Variants in PXDNL observed in about 807,000 individuals in gnomAD.
PXDNL encodes the protein peroxidasin like, also known as probable oxidoreductase PXDNL.
Under a neutral mutation model 150.8 loss-of-function variants are expected in PXDNL, and 145 were observed. That is an observed-to-expected ratio of 0.96 (90% CI 0.84 to 1.10). PXDNL has a LOEUF of 1.10. Ranked by LOEUF, PXDNL falls within the 50% of genes least tolerant of loss-of-function variation. PXDNL has a pLI of 0.00. For missense variants in PXDNL, 2,087 were observed against 1,873.9 expected (o/e 1.11, Z -2.10); for synonymous variants, 757 against 725.7 (o/e 1.04, Z -0.69).
At chr8:51,389,711 A>G (rs942228708) in intron 17 of PXDNL, among the ~76,000 whole-genome samples, 1 of 152,168 alleles carries the variant, frequency 6.6e-6, no homozygotes, top group African/African-American at 2.4e-5. Context: ...GAGCTTCTTT[A>G]TGTTTAAAGC....
chr8:51,396,629 T>C (rs1435553947), intron 17 of PXDNL, among the ~76,000 whole-genome samples: 2 of 152,138 alleles, frequency 1.3e-5, no homozygotes, highest in Non-Finnish European at 2.9e-5. Context: ...TAGTGGTGCA[T>C]GCCTGTAATC....
At chr8:51,469,253 A>T (rs947064384) in intron 8 of PXDNL, among the ~76,000 whole-genome samples, 2 of 152,082 alleles carry the variant, frequency 1.3e-5, no homozygotes, top group African/African-American at 4.8e-5. Flanking sequence ...ATTACTTGGG[A>T]ATGAAAGATT....
chr8:51,435,886 T>C (rs540712327), intron 12 of PXDNL: 45 of 468,784 alleles, frequency 9.6e-5, no homozygotes, highest in Non-Finnish European at 1.7e-4. Flanking sequence ...GATACTAAAA[T>C]GGATCGTAAG....
chr8:51,583,924 AGACGTATAG>A lies in PXDNL; in HGVS notation c.308+8694_308+8702del, dbSNP rs1438412258. Among the ~76,000 whole-genome samples, 3 of 152,236 alleles carry A rather than the reference AGACGTATAG, an allele frequency of 2.0e-5. No homozygotes were observed. In the East Asian group the frequency reaches 5.8e-4, roughly 29 times the overall value. On this transcript the variant is annotated intron_variant, in intron 3 of 22. Transcript: ENST00000356297. ...AGTTGCCAGTACAGAGAGAAAAGAT[AGACGTATAG>A]GAAGGCTGGATGAGTCGCCCAAAGA...
intron 3 of PXDNL, among the ~76,000 whole-genome samples, chr8:51,569,057 C>T (rs1169533670): frequency 1.3e-5 from 2 of 151,878 alleles, no homozygotes. Context: ...GTTTGAAATT[C>T]CTGAGTGAGC....
At chr8:51,488,256 A>C (rs1810812452) in intron 5 of PXDNL, among the ~76,000 whole-genome samples, 2 of 152,194 alleles carry the variant, frequency 1.3e-5, no homozygotes, top group Admixed American at 1.3e-4. Flanking sequence ...ATACATGAGA[A>C]AATGTTGACA....
At chr8:51,673,790 T>C (rs1563502776) in intron 1 of PXDNL, among the ~76,000 whole-genome samples, 1 of 152,190 alleles carries the variant, frequency 6.6e-6, no homozygotes, top group Non-Finnish European at 1.5e-5. Flanking sequence ...AATATGGAGA[T>C]GATGAACAGA....
intron 5 of PXDNL, among the ~76,000 whole-genome samples, chr8:51,496,314 G>A (rs906971797): frequency 6.6e-6 from 1 of 152,168 alleles, no homozygotes; most frequent in African/African-American, 2.4e-5. Context: ...CAAACCTACA[G>A]CCAATATCAT....
At chr8:51,752,949 A>G (rs1310628272) in intron 1 of PXDNL, among the ~76,000 whole-genome samples, 1 of 152,230 alleles carries the variant, frequency 6.6e-6, no homozygotes, top group Non-Finnish European at 1.5e-5. Flanking sequence ...GTGATGTCTC[A>G]GATCAAGACC....
intron 1 of PXDNL, among the ~76,000 whole-genome samples, chr8:51,801,326 T>G (rs2037617951): frequency 6.6e-6 from 1 of 152,114 alleles, no homozygotes; most frequent in South Asian, 2.1e-4. Flanking sequence ...TGTTTTCTGT[T>G]AAGATGTTTA....
At chr8:51,427,803 T>C (rs1809147860) in intron 12 of PXDNL, among the ~76,000 whole-genome samples, 1 of 152,198 alleles carries the variant, frequency 6.6e-6, no homozygotes, top group Admixed American at 6.5e-5. Context: ...GTGAATACTT[T>C]TCACATAGAA....
chr8:51,385,768 C>T lies in PXDNL; in HGVS notation c.3558-11037G>A, dbSNP rs527563252. Reference sequence around the variant, plus strand: ...CATAGGGTGGTTTCCCCATACTGTTCTCCTGGTACTGAGTAAGTCTCACAA... The same window carrying T: ...CATAGGGTGGTTTCCCCATACTGTTTTCCTGGTACTGAGTAAGTCTCACAA... On this transcript the variant is annotated intron_variant, in intron 17 of 22. Transcript: ENST00000356297. 3.2e-4 allele frequency among the ~76,000 whole-genome samples: 49 copies of T among 152,260 alleles called. No individual in the cohort carries two copies. In the South Asian group the frequency reaches 7.7e-3, roughly 24 times the overall value.
intron 1 of PXDNL, among the ~76,000 whole-genome samples, chr8:51,772,349 C>T (rs1212499190): frequency 6.6e-6 from 1 of 151,996 alleles, no homozygotes; most frequent in East Asian, 1.9e-4. Flanking sequence ...CTGGGGAAAT[C>T]GTGTGGTGTC....
chr8:51,561,384 A>C (rs1812718261), intron 3 of PXDNL, among the ~76,000 whole-genome samples: 1 of 151,846 alleles, frequency 6.6e-6, no homozygotes, highest in Non-Finnish European at 1.5e-5. Flanking sequence ...GAAAAACAAA[A>C]TGTGGTATAT....
chr8:51,501,284 A>G (rs868366003), intron 4 of PXDNL, among the ~76,000 whole-genome samples: 22 of 151,686 alleles, frequency 1.5e-4, no homozygotes, highest in African/African-American at 5.1e-4. Flanking sequence ...ACTCACACTC[A>G]CTAACAGACT....
In PXDNL at chr8:51,562,259, G is replaced by A. The variant is rs183702653; in HGVS notation, c.309-5348C>T. On this transcript the variant is annotated intron_variant, in intron 3 of 22. Transcript: ENST00000356297. ...TTGTGCTATCTTTTTTTATAAAAAT[G>A]ATATTTAGTGTATAAAATATTATGT... is the stretch of plus-strand genomic sequence containing the variant. Among the ~76,000 whole-genome samples, 278 of 151,752 alleles carry A rather than the reference G, an allele frequency of 1.8e-3. 1 individual carries two copies. Among genetic ancestry groups the A allele is most frequent in the Middle Eastern group, 6.8e-3 (2 of 294 alleles).
intron 1 of PXDNL, among the ~76,000 whole-genome samples, chr8:51,667,763 A>G (rs1815415474): frequency 6.6e-6 from 1 of 152,212 alleles, no homozygotes; most frequent in African/African-American, 2.4e-5. Flanking sequence ...CTAAAAACGC[A>G]CAAGGAGGGG....
chr8:51,564,929 G>T (rs1812785876), intron 3 of PXDNL, among the ~76,000 whole-genome samples: 1 of 151,762 alleles, frequency 6.6e-6, no homozygotes, highest in Non-Finnish European at 1.5e-5. Context: ...CATGTAATTT[G>T]CAAACAAAGA....
chr8:51,319,635 C>T lies in PXDNL; in HGVS notation c.*256G>A. The stretch of plus-strand genomic sequence containing the variant: ...TTCCAGGTGTGGCATATAAAACTGA[C>T]AGCTTACAGTAAGAAATATTTCTTA... On this transcript the variant is annotated 3_prime_UTR_variant, in exon 23 of 23. Transcript: ENST00000356297. 4.2e-6 allele frequency: 1 copy of T among 239,298 alleles called. No homozygotes were observed. The highest frequency in any genetic ancestry group is 7.9e-6 in the Non-Finnish European group (1 of 125,808). 14.8% of individuals were successfully genotyped at this position (239,298 alleles called of 1,614,324 possible). A position where few individuals can be genotyped will look rare whatever the true frequency, so the allele number is the denominator to read the frequency against.
Sources: allele counts gnomAD v4.1 joint callset (sites outside exome capture counted in the v4.1 genomes callset), GRCh38; gene constraint gnomAD v4.1.1; transcripts MANE v1.5; gene names NCBI Gene and HGNC (gene_info 2026-07-23, HGNC 2026-07-21).